STARD13: variants seen among roughly 807,000 people sequenced by gnomAD.
The protein encoded by STARD13 is StAR related lipid transfer domain containing 13.
A neutral mutation model predicts 106.4 loss-of-function variants in STARD13; 62 were observed. The observed-to-expected ratio is 0.58, with a 90% confidence interval of 0.48 to 0.72. The LOEUF (loss-of-function observed/expected upper bound fraction) is 0.72, where lower values mean the gene tolerates loss of function less well. STARD13 is among the 30% of genes least tolerant of loss of function. The pLI is 0.00. For missense variants in STARD13, 1,387 were observed against 1,424.0 expected (o/e 0.97, Z 0.42); for synonymous variants, 565 against 553.0 (o/e 1.02, Z -0.31).
chr13:33,657,152 C>T, the STARD13 span, among the ~76,000 whole-genome samples: 4 of 152,186 alleles, frequency 2.6e-5, no homozygotes, highest in African/African-American at 9.7e-5. Flanking sequence ...CGCCTATAGT[C>T]CCAGCTACTC....
chr13:33,163,572 A>G (rs1369258684), intron 3 of STARD13, among the ~76,000 whole-genome samples: 25 of 137,204 alleles, frequency 1.8e-4, no homozygotes, highest in Middle Eastern at 3.8e-3. Flanking sequence ...CCTGGGCGAC[A>G]GAGCAAGACT....
chr13:33,349,225 G>C, intron 1 of STARD13: 1 of 702,292 alleles, frequency 1.4e-6, no homozygotes, highest in Non-Finnish European at 2.6e-6. Context: ...TCCTGGAGAG[G>C]ACACAGAGGC....
chr13:33,185,170 C>T (rs1885633951), intron 1 of STARD13, among the ~76,000 whole-genome samples: 1 of 152,156 alleles, frequency 6.6e-6, no homozygotes, highest in Non-Finnish European at 1.5e-5. Context: ...TGACTGCACT[C>T]TAGACATTTA....
the STARD13 span, among the ~76,000 whole-genome samples, chr13:33,650,411 C>G: frequency 6.6e-6 from 1 of 151,088 alleles, no homozygotes; most frequent in South Asian, 2.1e-4. Context: ...GGGATGGTCT[C>G]GATCTCCTGA....
intron 3 of STARD13, among the ~76,000 whole-genome samples, chr13:33,157,775 T>C (rs1882159983): frequency 6.6e-6 from 1 of 152,206 alleles, no homozygotes; most frequent in South Asian, 2.1e-4. Context: ...TTTAACATAG[T>C]ACTTCTCCTT....
intron 1 of STARD13, among the ~76,000 whole-genome samples, chr13:33,305,006 C>T (rs151230080): frequency 1.8e-4 from 27 of 152,228 alleles, no homozygotes; most frequent in Non-Finnish European, 3.5e-4. Flanking sequence ...GAGGAAACAG[C>T]CTGTGAGAGG....
At chr13:33,579,966 C>T in the STARD13 span, among the ~76,000 whole-genome samples, 2 of 152,114 alleles carry the variant, frequency 1.3e-5, no homozygotes, top group East Asian at 1.9e-4. Flanking sequence ...CTGATGGAAA[C>T]GCAAAATGGT....
At chr13:33,610,609 C>G in the STARD13 span, among the ~76,000 whole-genome samples, 6 of 152,222 alleles carry the variant, frequency 3.9e-5, no homozygotes, top group Non-Finnish European at 8.8e-5. Flanking sequence ...CCTTCAACTC[C>G]CAACAGTAAC....
At chr13:33,255,170 C>A (rs1005929985) in intron 1 of STARD13, among the ~76,000 whole-genome samples, 23 of 151,936 alleles carry the variant, frequency 1.5e-4, no homozygotes, top group African/African-American at 5.6e-4. Context: ...GCACATCCTA[C>A]GAGGGGGACC....
intron 3 of STARD13, among the ~76,000 whole-genome samples, chr13:33,163,701 TATATATAAAACATATATATAAC>T (rs1442799909): frequency 1.6e-5 from 2 of 125,678 alleles, no homozygotes; most frequent in Non-Finnish European, 3.3e-5. Flanking sequence ...ATATATAACA[TATATATAAAACATATATATAAC>T]ATATATAAAA....
the STARD13 span, among the ~76,000 whole-genome samples, chr13:33,621,501 C>A: frequency 2.0e-5 from 3 of 151,626 alleles, no homozygotes; most frequent in African/African-American, 7.3e-5. Flanking sequence ...CATGGTGAAA[C>A]CCTGTCTCTA....
intron 4 of STARD13, among the ~76,000 whole-genome samples, chr13:33,137,354 C>T (rs1252361244): frequency 1.3e-5 from 2 of 152,354 alleles, no homozygotes; most frequent in East Asian, 1.9e-4. Flanking sequence ...CTCACCTACT[C>T]AGCTCTGCCA....
chr13:33,329,912 C>T (rs935882579), intron 1 of STARD13, among the ~76,000 whole-genome samples: 26 of 152,222 alleles, frequency 1.7e-4, no homozygotes, highest in Admixed American at 1.7e-3. Flanking sequence ...CCATATTGGC[C>T]AGGCTGGTCT....
At chr13:33,350,680 TC>T, upstream of STARD13, 2 of 1,148,236 alleles carry the variant, frequency 1.7e-6, no homozygotes, top group Non-Finnish European at 2.1e-6. Context: ...TTCCTTCTCC[TC>T]CCCTCCTCCC....
the STARD13 span, among the ~76,000 whole-genome samples, chr13:33,538,906 A>G: frequency 6.6e-6 from 1 of 151,792 alleles, no homozygotes; most frequent in South Asian, 2.1e-4. Context: ...AGTAGCTGGG[A>G]CTACAGGTGC....
chr13:33,615,973 T>G, the STARD13 span, among the ~76,000 whole-genome samples: 2 of 152,218 alleles, frequency 1.3e-5, no homozygotes, highest in African/African-American at 2.4e-5. Flanking sequence ...AGCTTGATGT[T>G]GAGAATGTCA....
chr13:33,282,036 C>T (rs995254751), intron 1 of STARD13, among the ~76,000 whole-genome samples: 4 of 152,014 alleles, frequency 2.6e-5, no homozygotes, highest in African/African-American at 9.7e-5. Flanking sequence ...AAATCCAATT[C>T]TCCCTTTCCT....
chr13:33,545,750 C>A, the STARD13 span, among the ~76,000 whole-genome samples: 106 of 152,312 alleles, frequency 7.0e-4, 2 homozygotes, highest in Non-Finnish European at 1.0e-3. Flanking sequence ...TTTCTTGCTG[C>A]TTTGTCTTGC....
rs76898454 is a variant in STARD13 at position 33,210,580 on chromosome 13, T to C, written c.170-42958A>G. Among the ~76,000 whole-genome samples the C allele has an allele frequency of 4.3e-3, 659 of 152,302 alleles. 10 individuals are homozygous for C. The highest frequency in any genetic ancestry group is 0.015 in the African/African-American group (636 of 41,552). On this transcript the variant is annotated intron_variant, in intron 1 of 13. Coordinates refer to ENST00000336934, the MANE Select transcript of STARD13 (RefSeq NM_178006.4). ...ATAAGCATTCAATACATGCTATCAT[T>C]CCATAGTTAGAATGGAATAAAACAC...
Sources: allele counts gnomAD v4.1 joint callset (sites outside exome capture counted in the v4.1 genomes callset), GRCh38; gene constraint gnomAD v4.1.1; transcripts MANE v1.5; gene names NCBI Gene and HGNC (gene_info 2026-07-23, HGNC 2026-07-21).